USP40: variants seen among roughly 807,000 people sequenced by gnomAD.
USP40 encodes the protein ubiquitin carboxyl-terminal hydrolase 40.
A neutral mutation model predicts 166.2 loss-of-function variants in USP40; 143 were observed. That is an observed-to-expected ratio of 0.86 (90% CI 0.75 to 0.99). The LOEUF is 0.99. USP40 is among the 50% of genes least tolerant of loss of function. The pLI is 0.00. For synonymous variants in USP40, 498 were observed against 524.0 expected, an observed-to-expected ratio of 0.95 and a Z score of 0.68; for missense variants, 1,444 against 1,479.7, an observed-to-expected ratio of 0.98 and a Z score of 0.40.
intron 11 of USP40, among the ~76,000 whole-genome samples, chr2:233,532,518 A>G (rs2068621088): frequency 6.6e-6 from 1 of 152,312 alleles, no homozygotes; most frequent in African/African-American, 2.4e-5. Context: ...TGGGCCCTTG[A>G]GCTGCTGCTC....
chr2:233,496,618 T>C (rs1273285235), intron 24 of USP40, 140 bp downstream of exon 24: 3 of 490,304 alleles, frequency 6.1e-6, no homozygotes, highest in Non-Finnish European at 1.1e-5. Context: ...ACATATCTGA[T>C]TGATAGCATT....
At chr2:233,529,735 T>A (rs1351111645) in intron 11 of USP40, among the ~76,000 whole-genome samples, 1 of 152,052 alleles carries the variant, frequency 6.6e-6, no homozygotes, top group Non-Finnish European at 1.5e-5. Flanking sequence ...CTAGAAGAAT[T>A]CCATTTTTTC....
In USP40 at chr2:233,527,502, C is replaced by G; in HGVS notation, c.1630G>C (p.Ala544Pro). ...GTTTGAGAGACTACTGGGTGCAGAG[C>G]CCCATTGAAGAAATGATACTGAGGG... ...LGPQYHFFNG[A>P]LHPVVSQTES... The change falls in exon 13 of 32, where the codon GCT (alanine) becomes CCT (proline). Residue 544 changes from alanine (A) to proline (P), a missense_variant. Transcript: ENST00000678225. The G allele has an allele frequency of 6.2e-7, 1 of 1,613,594 alleles. No individual in the cohort carries two copies. The highest frequency in any genetic ancestry group is 8.5e-7 in the Non-Finnish European group (1 of 1,179,748).
At chr2:233,521,169 C>A in intron 16 of USP40, 55 bp from the exon 17 acceptor site, 1 of 1,552,250 alleles carries the variant, frequency 6.4e-7, no homozygotes, top group Non-Finnish European at 8.7e-7. Context: ...GCATCACTTC[C>A]AAAACTCTGC....
chr2:233,532,168 CTGAT>C (rs2068584685), intron 11 of USP40, among the ~76,000 whole-genome samples: 2 of 152,186 alleles, frequency 1.3e-5, no homozygotes, highest in Admixed American at 1.3e-4. Context: ...ACAAATCAGA[CTGAT>C]TGCTGGTAGG....
At chr2:233,494,988 AT>A (rs2065658079) in intron 24 of USP40, among the ~76,000 whole-genome samples, 1 of 96,358 alleles carries the variant, frequency 1.0e-5, no homozygotes, top group African/African-American at 4.4e-5. Context: ...ATACACACAC[AT>A]AAAAAATAAA....
At chr2:233,549,932 CAAAAT>C (rs1047266573) in intron 7 of USP40, among the ~76,000 whole-genome samples, 7 of 151,854 alleles carry the variant, frequency 4.6e-5, no homozygotes, top group African/African-American at 1.7e-4. Context: ...CAATTAGAAA[CAAAAT>C]AAAATAAAAA....
intron 30 of USP40, 91 bp downstream of exon 30, chr2:233,485,440 C>G (rs2064881976): frequency 7.1e-6 from 7 of 992,362 alleles, no homozygotes; most frequent in Non-Finnish European, 1.1e-5. Context: ...ATGGGATAAT[C>G]TGTGTCTTGA....
intron 20 of USP40, 102 bp from the exon 21 acceptor site, chr2:233,510,237 C>CT: frequency 1.2e-6 from 1 of 837,560 alleles, no homozygotes. Context: ...GCCCATGAAA[C>CT]TTTAACAAAA....
chr2:233,507,846 C>T (rs2066536475), intron 21 of USP40, among the ~76,000 whole-genome samples: 1 of 152,058 alleles, frequency 6.6e-6, no homozygotes, highest in South Asian at 2.1e-4. Flanking sequence ...TGAATGTTCT[C>T]ACCACCAAGA....
intron 16 of USP40, among the ~76,000 whole-genome samples, chr2:233,522,023 G>A (rs1204530402): frequency 6.6e-5 from 10 of 152,142 alleles, no homozygotes; most frequent in Non-Finnish European, 1.5e-4. Flanking sequence ...AGAGAAAGAC[G>A]AAATACCTTG....
chr2:233,494,446 C>T (rs1293799290), intron 24 of USP40, among the ~76,000 whole-genome samples: 1 of 152,106 alleles, frequency 6.6e-6, no homozygotes, highest in East Asian at 1.9e-4. Context: ...TTTGACCCAG[C>T]CATTCCACGT....
intron 18 of USP40, among the ~76,000 whole-genome samples, chr2:233,515,832 T>G (rs903336329): frequency 1.2e-4 from 18 of 152,240 alleles, no homozygotes; most frequent in African/African-American, 4.3e-4. Flanking sequence ...TTTTAACTTT[T>G]AGTTGTATGA....
intron 18 of USP40, among the ~76,000 whole-genome samples, chr2:233,514,854 C>T (rs553686710): frequency 5.9e-5 from 9 of 152,322 alleles, no homozygotes; most frequent in Middle Eastern, 3.4e-3. Context: ...TAACCACCAG[C>T]AAACTGAGGT....
intron 7 of USP40, 62 bp downstream of exon 7, chr2:233,551,314 T>G (rs75921413): frequency 1.3e-6 from 2 of 1,507,092 alleles, no homozygotes; most frequent in African/African-American, 1.4e-5. Flanking sequence ...GAAAATCGGG[T>G]CAATAATAGA....
At chr2:233,506,038 A>G (rs1306154664) in intron 21 of USP40, among the ~76,000 whole-genome samples, 1 of 152,208 alleles carries the variant, frequency 6.6e-6, no homozygotes, top group Non-Finnish European at 1.5e-5. Flanking sequence ...CCAAATAGTC[A>G]AAGCAATTGT....
chr2:233,499,304 C>T (rs1010147323), intron 22 of USP40, among the ~76,000 whole-genome samples: 1 of 152,078 alleles, frequency 6.6e-6, no homozygotes, highest in Non-Finnish European at 1.5e-5. Context: ...ATAATGACTT[C>T]CAGCTCCATC....
chr2:233,525,258 A>G (rs1328887113), intron 14 of USP40, among the ~76,000 whole-genome samples: 4 of 152,214 alleles, frequency 2.6e-5, no homozygotes, highest in Non-Finnish European at 5.9e-5. Context: ...AGAAAAAATA[A>G]AATGTTTCCA....
rs563443479 is a variant in USP40, at chr2:233,509,376, CTG to C, written c.2613+671_2613+672del. Among the ~76,000 whole-genome samples the C allele has an allele frequency of 2.4e-3, 360 of 152,082 alleles. 6 individuals carry two copies. Among genetic ancestry groups the C allele is most frequent in the African/African-American group, 8.4e-3 (349 of 41,470 alleles). On this transcript the variant is annotated intron_variant, in intron 21 of 31. Coordinates refer to ENST00000678225, the MANE Select transcript of USP40 (RefSeq NM_001365479.2). ...CACATATATACAAACATTCATACCA[CTG>C]TGTGTGTATATAAATACTAGAAAAA... is the stretch of plus-strand genomic sequence containing the variant.
Sources: allele counts gnomAD v4.1 joint callset (sites outside exome capture counted in the v4.1 genomes callset), GRCh38; gene constraint gnomAD v4.1.1; transcripts MANE v1.5; gene names NCBI Gene and HGNC (gene_info 2026-07-23, HGNC 2026-07-21).